The following MDGA2 variants were observed in gnomAD, a reference collection of about 807,000 sequenced individuals.
MDGA2 encodes the protein MAM domain containing glycosylphosphatidylinositol anchor 2, also known as MAM domain-containing glycosylphosphatidylinositol anchor protein 2.
A neutral mutation model predicts 117.8 loss-of-function variants in MDGA2; 40 were observed. That is an observed-to-expected ratio of 0.34 (90% CI 0.26 to 0.44). The LOEUF (loss-of-function observed/expected upper bound fraction) is 0.44. Ranked by LOEUF, MDGA2 falls within the 20% of genes least tolerant of loss-of-function variation. The pLI is 1.00. For synonymous variants in MDGA2, 452 were observed against 439.0 expected, an observed-to-expected ratio of 1.03 and a Z score of -0.37; for missense variants, 1,123 against 1,250.6, an observed-to-expected ratio of 0.90 and a Z score of 1.54.
intron 10 of MDGA2, among the ~76,000 whole-genome samples, chr14:46,904,035 T>C (rs756026914): frequency 2.6e-5 from 4 of 152,150 alleles, no homozygotes; most frequent in Non-Finnish European, 4.4e-5. Context: ...GTTTTCAGTG[T>C]ATCCATTTGT....
intron 1 of MDGA2, among the ~76,000 whole-genome samples, chr14:47,671,301 C>CA (rs1898069978): frequency 6.6e-6 from 1 of 152,068 alleles, no homozygotes; most frequent in South Asian, 2.1e-4. Context: ...ACAGGGTTGT[C>CA]AAACAGATTG....
At chr14:47,000,415 A>G (rs902219135) in intron 8 of MDGA2, among the ~76,000 whole-genome samples, 1 of 141,330 alleles carries the variant, frequency 7.1e-6, no homozygotes, top group East Asian at 2.0e-4. Flanking sequence ...ATATTTATAT[A>G]TATACACATA....
chr14:46,849,561 T>C (rs1363043070), intron 15 of MDGA2, among the ~76,000 whole-genome samples: 1 of 151,744 alleles, frequency 6.6e-6, no homozygotes, highest in Non-Finnish European at 1.5e-5. Context: ...AGATATTAAA[T>C]TTAAGTAATG....
At position 47,029,709 on chromosome 14, in the gene MDGA2, T is replaced by C. The variant is rs150116851; in HGVS notation, c.1819+5302A>G. ...ATATTACAAATAAAATGTTATAGTT[T>C]ATCAAATTAAAATTGTAGCATATAA... is the stretch of plus-strand genomic sequence containing the variant. On this transcript the variant is annotated intron_variant, in intron 8 of 16. Transcript: ENST00000399232. 4.9e-3 allele frequency among the ~76,000 whole-genome samples: 740 copies of C among 152,318 alleles called. 4 individuals carry two copies. Among genetic ancestry groups the C allele is most frequent in the African/African-American group, 0.017 (692 of 41,562 alleles).
Position 47,665,232 on chromosome 14 carries a change from T to C in MDGA2, c.280+9285A>G, listed in dbSNP as rs993487104. The stretch of plus-strand genomic sequence containing the variant: ...TTTTTCAAGTTTTCTCCAACCACAA[T>C]AGGAAATGTAATTCCTCTCTCTTCT... On this transcript the variant is annotated intron_variant, in intron 1 of 16. Transcript: ENST00000399232. 7.2e-5 allele frequency among the ~76,000 whole-genome samples: 11 copies of C among 152,330 alleles called. No homozygotes were observed. The East Asian group carries it at 1.7e-3, about 24-fold the overall frequency.
chr14:46,936,398 G>T (rs2138566281), intron 9 of MDGA2, among the ~76,000 whole-genome samples: 1 of 152,122 alleles, frequency 6.6e-6, no homozygotes, highest in African/African-American at 2.4e-5. Flanking sequence ...TTATTTATGG[G>T]AATGGAGGTC....
rs1892291875 is a variant in MDGA2 at position 47,407,921 on chromosome 14, A to C, written c.281-106371T>G. ...GGGGGAGACAGATAACAAATAACAC[A>C]TGTAGTAGGAAGAATAATGATTTCC... On this transcript the variant is annotated intron_variant, in intron 1 of 16. Transcript: ENST00000399232. 1.3e-5 allele frequency among the ~76,000 whole-genome samples: 2 copies of C among 152,168 alleles called. 1 individual carries two copies. The highest frequency in any genetic ancestry group is 4.8e-5 in the African/African-American group (2 of 41,434).
intron 1 of MDGA2, among the ~76,000 whole-genome samples, chr14:47,503,309 A>C (rs1299752401): frequency 7.6e-6 from 1 of 131,934 alleles, no homozygotes; most frequent in Non-Finnish European, 1.7e-5. Flanking sequence ...TTTAGGTATC[A>C]TAAAAAAAAA....
At chr14:47,632,765 G>C (rs375616247) in intron 1 of MDGA2, among the ~76,000 whole-genome samples, 1 of 151,122 alleles carries the variant, frequency 6.6e-6, no homozygotes, top group African/African-American at 2.4e-5. Flanking sequence ...TTTTTTGAGG[G>C]GGGGGCTCTT....
rs1434813933 is a variant in MDGA2 at position 47,674,530 on chromosome 14, G to T, written c.267C>A (p.Gly89=). 4 of 1,551,006 alleles carry T rather than the reference G, an allele frequency of 2.6e-6. No individual in the cohort carries two copies. Among genetic ancestry groups the T allele is most frequent in the African/African-American group, 1.4e-5 (1 of 72,934 alleles). ...GATTCCACTCACCGTACACTCCTTG[G>T]CCAGAGATCCCCTCCAGGAGGACTG... is the stretch of plus-strand genomic sequence containing the variant. ...LLTVLLEGIS[G]QGVYAPPTVR... is the part of the protein sequence containing the mutation. Residue 89 remains glycine, a synonymous_variant, in exon 1 of 17, where the codon GGC becomes GGA. Transcript: ENST00000399232.
intron 1 of MDGA2, among the ~76,000 whole-genome samples, chr14:47,477,223 AT>A (rs1893862494): frequency 1.3e-5 from 2 of 152,212 alleles, no homozygotes; most frequent in African/African-American, 4.8e-5. Context: ...GAAATAATTC[AT>A]GTAAAGTGCT....
chr14:47,424,569 C>T (rs1015106891), intron 1 of MDGA2, among the ~76,000 whole-genome samples: 1 of 152,138 alleles, frequency 6.6e-6, no homozygotes. Flanking sequence ...TTCCTTGGCA[C>T]ATACAATTAT....
intron 2 of MDGA2, among the ~76,000 whole-genome samples, chr14:47,235,731 G>C (rs1886836534): frequency 6.6e-6 from 1 of 152,072 alleles, no homozygotes; most frequent in Non-Finnish European, 1.5e-5. Context: ...GTTTGCAAAG[G>C]GAAAACATAC....
intron 8 of MDGA2, among the ~76,000 whole-genome samples, chr14:47,021,525 T>C (rs1250200853): frequency 6.6e-6 from 1 of 152,196 alleles, no homozygotes; most frequent in Non-Finnish European, 1.5e-5. Flanking sequence ...CAATCTCTTA[T>C]TTTTTATTCT....
At chr14:47,440,447 C>A (rs781004845) in intron 1 of MDGA2, among the ~76,000 whole-genome samples, 5 of 152,106 alleles carry the variant, frequency 3.3e-5, no homozygotes, top group Non-Finnish European at 7.4e-5. Context: ...TCTCATGAAA[C>A]CTTGTCTTAG....
rs112928945 is a variant in MDGA2 at position 47,125,303 on chromosome 14, C to A, written c.925+6411G>T. On this transcript the variant is annotated intron_variant, in intron 5 of 16. Coordinates refer to ENST00000399232, the MANE Select transcript of MDGA2 (RefSeq NM_001113498.3). ...TATTTTGTTTCATGCCCACAGCTAT[C>A]AAAATTTATATAACTAAGATATTTT... Among the ~76,000 whole-genome samples, 142 of 152,112 alleles carry A rather than the reference C, an allele frequency of 9.3e-4. 2 individuals are homozygous for A. Among genetic ancestry groups the A allele is most frequent in the African/African-American group, 3.3e-3 (135 of 41,508 alleles).
chr14:47,442,359 A>G (rs561039377), intron 1 of MDGA2, among the ~76,000 whole-genome samples: 1 of 152,232 alleles, frequency 6.6e-6, no homozygotes, highest in African/African-American at 2.4e-5. Context: ...AGAGTAAGGC[A>G]AACAGTTGTC....
chr14:47,161,119 TG>T (rs1883615783), intron 3 of MDGA2, among the ~76,000 whole-genome samples: 1 of 152,168 alleles, frequency 6.6e-6, no homozygotes, highest in Non-Finnish European at 1.5e-5. Flanking sequence ...AATTTCTAGC[TG>T]TATTTGCTTG....
intron 3 of MDGA2, among the ~76,000 whole-genome samples, chr14:47,199,192 C>CCT (rs1019377756): frequency 1.3e-5 from 2 of 151,052 alleles, no homozygotes; most frequent in African/African-American, 4.9e-5. Flanking sequence ...TGTCCCTCTC[C>CCT]CTCTCTCTCT....
Sources: allele counts gnomAD v4.1 joint callset (sites outside exome capture counted in the v4.1 genomes callset), GRCh38; gene constraint gnomAD v4.1.1; transcripts MANE v1.5; gene names NCBI Gene and HGNC (gene_info 2026-07-23, HGNC 2026-07-21).